PCED1B: variants seen among roughly 807,000 people sequenced by gnomAD.
PCED1B encodes PC-esterase domain-containing protein 1B.
For missense variants in PCED1B, 573 were observed against 573.9 expected, an observed-to-expected ratio of 1.00 and a Z score of 0.02; for synonymous variants, 251 against 246.1, an observed-to-expected ratio of 1.02 and a Z score of -0.19.
At position 47,192,172 on chromosome 12, in the gene PCED1B, T is replaced by G. The variant is rs201351838; in HGVS notation, c.-525-24050T>G. Among the ~76,000 whole-genome samples, 87 of 150,600 alleles carry G rather than the reference T, an allele frequency of 5.8e-4. No homozygotes were observed. In the East Asian group the frequency reaches 0.013, roughly 22 times the overall value. On this transcript the variant is annotated intron_variant, in intron 2 of 3. Transcript: ENST00000546455. ...AAATGGAGGCTACGCTTTTTTTTTT[T>G]GTTTTTTTTTTTTTGCCTCTTTCCA...
intron 2 of PCED1B, among the ~76,000 whole-genome samples, chr12:47,129,489 A>G (rs902903780): frequency 3.9e-5 from 6 of 152,140 alleles, no homozygotes; most frequent in African/African-American, 1.4e-4. Flanking sequence ...ACCCTGTCTC[A>G]AAATAAAATA....
Position 47,235,266 on chromosome 12 carries a change from G to T in PCED1B, c.203G>T (p.Gly68Val), listed in dbSNP as rs1454381820. ...GAGCTGGTGGACGGAGGCCAGCGGGGCCACATGCACAACGGCCTTAACTAC... is the reference window on the plus strand; with the variant it reads ...GAGCTGGTGGACGGAGGCCAGCGGGTCCACATGCACAACGGCCTTAACTAC... ...QDELVDGGQR[G>V]HMHNGLNYRE... Residue 68 changes from glycine (G) to valine (V), a missense_variant, in exon 4 of 4, where the codon GGC becomes GTC. By Grantham distance (109) the Gly-to-Val change is moderately radical. Transcript: ENST00000546455. 1 of 1,613,922 alleles carries T rather than the reference G, an allele frequency of 6.2e-7. No homozygotes were observed. The highest frequency in any genetic ancestry group is 8.5e-7 in the Non-Finnish European group (1 of 1,179,982).
At chr12:47,091,430 A>G (rs1459262168) in intron 1 of PCED1B, among the ~76,000 whole-genome samples, 1 of 152,048 alleles carries the variant, frequency 6.6e-6, no homozygotes, top group Non-Finnish European at 1.5e-5. Context: ...TGTGTTTTTT[A>G]ATCATATATA....
chr12:47,119,968 T>TAAC (rs1409790974), intron 2 of PCED1B, among the ~76,000 whole-genome samples: 24 of 88,840 alleles, frequency 2.7e-4, no homozygotes, highest in South Asian at 1.7e-3. Context: ...TCTGTCTCCA[T>TAAC]AATAATAATA....
At chr12:47,131,342 C>A (rs138406809) in intron 2 of PCED1B, among the ~76,000 whole-genome samples, 1 of 152,184 alleles carries the variant, frequency 6.6e-6, no homozygotes, top group East Asian at 1.9e-4. Flanking sequence ...ATACAAGAAC[C>A]TTTGCCTCCT....
chr12:47,149,087 A>G (rs1244745619), intron 2 of PCED1B, among the ~76,000 whole-genome samples: 1 of 152,226 alleles, frequency 6.6e-6, no homozygotes, highest in East Asian at 1.9e-4. Flanking sequence ...CCCTTTGGCT[A>G]TTTCCAGTCT....
At chr12:47,169,897 C>A (rs1218456660) in intron 2 of PCED1B, among the ~76,000 whole-genome samples, 1 of 100,548 alleles carries the variant, frequency 9.9e-6, no homozygotes. Context: ...TATTACTCAT[C>A]TTTTTTTTTT....
chr12:47,209,296 TGG>T (rs1267036506), intron 2 of PCED1B: 1 of 151,940 alleles, frequency 6.6e-6, no homozygotes, highest in Non-Finnish European at 1.5e-5. Flanking sequence ...ATCCCAAAGG[TGG>T]GAGGATCACC....
At chr12:47,093,822 G>T (rs1236317321) in intron 1 of PCED1B, among the ~76,000 whole-genome samples, 1 of 151,908 alleles carries the variant, frequency 6.6e-6, no homozygotes, top group Non-Finnish European at 1.5e-5. Flanking sequence ...AAATTGTTGA[G>T]ACTTTTTTCT....
chr12:47,220,044 A>G (rs1226065419), intron 3 of PCED1B, among the ~76,000 whole-genome samples: 1 of 143,040 alleles, frequency 7.0e-6, no homozygotes, highest in Non-Finnish European at 1.5e-5. Context: ...CTGTACTCCC[A>G]GGTGACCAAG....
At chr12:47,201,069 CG>C (rs1942748971) in intron 2 of PCED1B, among the ~76,000 whole-genome samples, 1 of 152,120 alleles carries the variant, frequency 6.6e-6, no homozygotes, top group African/African-American at 2.4e-5. Context: ...GGCCAAGAGA[CG>C]GCTAACGCTC....
chr12:47,128,342 A>G (rs994396114), intron 2 of PCED1B, among the ~76,000 whole-genome samples: 4 of 152,198 alleles, frequency 2.6e-5, no homozygotes, highest in African/African-American at 9.6e-5. Context: ...TGTTTGAGGA[A>G]CAAAAAATGG....
chr12:47,102,245 C>T (rs2137223280), intron 1 of PCED1B, among the ~76,000 whole-genome samples: 1 of 152,284 alleles, frequency 6.6e-6, no homozygotes. Flanking sequence ...CATGTGGAAA[C>T]TTTCAGATAC....
chr12:47,134,995 T>C (rs1028178417), intron 2 of PCED1B, among the ~76,000 whole-genome samples: 10 of 152,256 alleles, frequency 6.6e-5, no homozygotes, highest in Non-Finnish European at 1.2e-4. Flanking sequence ...TATTACCAAA[T>C]ATTGAGAATC....
chr12:47,175,619 G>C (rs1941898143), intron 2 of PCED1B, among the ~76,000 whole-genome samples: 1 of 152,062 alleles, frequency 6.6e-6, no homozygotes, highest in Non-Finnish European at 1.5e-5. Context: ...TGTTGCCCAG[G>C]CTGGAGTGCA....
At chr12:47,081,541 G>A (rs1248709153) in intron 1 of PCED1B, among the ~76,000 whole-genome samples, 3 of 152,126 alleles carry the variant, frequency 2.0e-5, no homozygotes, top group Admixed American at 1.3e-4. Flanking sequence ...TAAGAACACA[G>A]CCTAAAATGC....
At chr12:47,214,769 AG>A (rs111887882) in intron 2 of PCED1B, among the ~76,000 whole-genome samples, 10,322 of 152,290 alleles carry the variant, frequency 0.068, 494 homozygotes, top group African/African-American at 0.13. Context: ...TGACTAATGT[AG>A]ATTTCTTTTA....
At chr12:47,204,820 T>G (rs1942866957) in intron 2 of PCED1B, among the ~76,000 whole-genome samples, 1 of 152,244 alleles carries the variant, frequency 6.6e-6, no homozygotes, top group East Asian at 1.9e-4. Context: ...CAATAAATAC[T>G]ATATACTTAG....
chr12:47,134,047 A>T (rs1184002999), intron 2 of PCED1B, among the ~76,000 whole-genome samples: 1 of 152,194 alleles, frequency 6.6e-6, no homozygotes, highest in Non-Finnish European at 1.5e-5. Flanking sequence ...TCTGTTGTTT[A>T]TAAGCCACCC....
Sources: allele counts gnomAD v4.1 joint callset (sites outside exome capture counted in the v4.1 genomes callset), GRCh38; gene constraint gnomAD v4.1.1; transcripts MANE v1.5; gene names NCBI Gene and HGNC (gene_info 2026-07-23, HGNC 2026-07-21).